Variants in NTM observed in about 807,000 individuals in gnomAD.
NTM encodes the protein IgLON family member 2.
NTM carries 13 observed loss-of-function variants against 42.1 expected under a neutral mutation model. The ratio of observed to expected loss-of-function variants is 0.31; its 90% CI spans 0.20 to 0.49. The LOEUF (loss-of-function observed/expected upper bound fraction) is 0.49. Ranked by LOEUF, NTM falls within the 20% of genes least tolerant of loss-of-function variation. NTM has a pLI of 0.99. For missense variants in NTM, 373 were observed against 452.8 expected, an observed-to-expected ratio of 0.82 and a Z score of 1.60; for synonymous variants, 187 against 179.2, an observed-to-expected ratio of 1.04 and a Z score of -0.35.
rs1005391731 is a variant in NTM at position 132,043,024 on chromosome 11, C to A, written c.168-103258C>A. 3.3e-5 allele frequency among the ~76,000 whole-genome samples: 5 copies of A among 152,064 alleles called. No homozygotes were observed. In the East Asian group the frequency reaches 7.7e-4, roughly 24 times the overall value. On this transcript the variant is annotated intron_variant, in intron 2 of 8. Transcript: ENST00000683400. ...TTACATAAGTGGAAGTATGAAGAGG[C>A]CTTGATTAAAGTGGAATACATTGTA...
At chr11:131,861,762 G>GA (rs1489084539) in intron 1 of NTM, among the ~76,000 whole-genome samples, 3 of 152,186 alleles carry the variant, frequency 2.0e-5, no homozygotes, top group Admixed American at 6.5e-5. Context: ...AGAGAGAAAA[G>GA]AAAAAAAGGT....
At chr11:131,836,510 T>C (rs1483285264) in intron 1 of NTM, among the ~76,000 whole-genome samples, 4 of 152,236 alleles carry the variant, frequency 2.6e-5, no homozygotes, top group African/African-American at 7.2e-5. Context: ...TAATGTTTTC[T>C]AAATCATATT....
intron 1 of NTM, among the ~76,000 whole-genome samples, chr11:131,548,316 A>T (rs964196067): frequency 6.6e-6 from 1 of 152,188 alleles, no homozygotes; most frequent in Non-Finnish European, 1.5e-5. Flanking sequence ...TATCCAGGAA[A>T]AAAACATCCC....
intron 1 of NTM, among the ~76,000 whole-genome samples, chr11:131,649,865 A>G (rs1004198572): frequency 5.3e-5 from 8 of 152,156 alleles, no homozygotes; most frequent in Non-Finnish European, 1.5e-5. Context: ...CAAAGTTAGC[A>G]TTTCCCAGAC....
At chr11:131,956,043 G>A (rs2061524709) in intron 2 of NTM, among the ~76,000 whole-genome samples, 1 of 152,206 alleles carries the variant, frequency 6.6e-6, no homozygotes, top group African/African-American at 2.4e-5. Context: ...AGGCAGGGAA[G>A]CCAGTGTCTG....
At chr11:131,653,182 G>T (rs950033935) in intron 1 of NTM, among the ~76,000 whole-genome samples, 1 of 152,166 alleles carries the variant, frequency 6.6e-6, no homozygotes, top group Non-Finnish European at 1.5e-5. Context: ...TTCGGTCCCT[G>T]CTTTGTAGTC....
chr11:132,022,440 C>A (rs1052656644), intron 2 of NTM, among the ~76,000 whole-genome samples: 1 of 152,084 alleles, frequency 6.6e-6, no homozygotes, highest in Non-Finnish European at 1.5e-5. Context: ...CTTCAGAGTC[C>A]GCATGATATT....
chr11:131,608,758 C>CTG (rs2061221495), intron 1 of NTM, among the ~76,000 whole-genome samples: 2 of 152,286 alleles, frequency 1.3e-5, no homozygotes, highest in South Asian at 4.1e-4. Flanking sequence ...TGCTCTCTCT[C>CTG]TTTAAATGTG....
At chr11:131,647,939 T>C (rs543716794) in intron 1 of NTM, among the ~76,000 whole-genome samples, 1 of 152,294 alleles carries the variant, frequency 6.6e-6, no homozygotes, top group Non-Finnish European at 1.5e-5. Context: ...GTTGGACAGA[T>C]TATTTTGTTA....
intron 1 of NTM, among the ~76,000 whole-genome samples, chr11:131,788,978 T>C (rs932286008): frequency 6.6e-6 from 1 of 152,136 alleles, no homozygotes; most frequent in African/African-American, 2.4e-5. Flanking sequence ...TCATTACCCG[T>C]TTGCTGAGCT....
intron 1 of NTM, among the ~76,000 whole-genome samples, chr11:131,763,930 T>C (rs1256783419): frequency 6.6e-6 from 1 of 151,886 alleles, no homozygotes; most frequent in Non-Finnish European, 1.5e-5. Flanking sequence ...TCGTTTCCAT[T>C]GAGGAGCAAT....
chr11:132,110,203 C>A (rs942808211), intron 2 of NTM, among the ~76,000 whole-genome samples: 1 of 152,178 alleles, frequency 6.6e-6, no homozygotes, highest in Non-Finnish European at 1.5e-5. Context: ...TGTGCTATAC[C>A]CCAGTGGCTA....
At chr11:131,467,579 T>C (rs1952013921) in intron 1 of NTM, among the ~76,000 whole-genome samples, 1 of 152,240 alleles carries the variant, frequency 6.6e-6, no homozygotes, top group Non-Finnish European at 1.5e-5. Context: ...TATCTGCTTA[T>C]GTTCACAGCC....
At chr11:131,527,860 C>T (rs112214657) in intron 1 of NTM, among the ~76,000 whole-genome samples, 5,632 of 152,184 alleles carry the variant, frequency 0.037, 347 homozygotes, top group African/African-American at 0.13. Flanking sequence ...ATTTGGAAAG[C>T]GATAAATCAA....
chr11:132,189,589 G>A (rs1245694630), intron 3 of NTM, among the ~76,000 whole-genome samples: 2 of 152,028 alleles, frequency 1.3e-5, no homozygotes, highest in East Asian at 3.9e-4. Context: ...ATGGCAAGCA[G>A]CAAATTGTGC....
intron 3 of NTM, among the ~76,000 whole-genome samples, chr11:132,195,062 A>G (rs938046384): frequency 6.6e-6 from 1 of 151,962 alleles, no homozygotes; most frequent in Non-Finnish European, 1.5e-5. Context: ...ACCTCAAGTG[A>G]TCTGTCTGCC....
At chr11:132,152,860 T>C (rs1260197060) in intron 3 of NTM, among the ~76,000 whole-genome samples, 1 of 152,232 alleles carries the variant, frequency 6.6e-6, no homozygotes, top group Non-Finnish European at 1.5e-5. Flanking sequence ...CATTGAATAA[T>C]GGCATTTTCT....
chr11:131,938,029 A>G (rs1360477230), intron 2 of NTM, among the ~76,000 whole-genome samples: 2 of 152,178 alleles, frequency 1.3e-5, no homozygotes, highest in Non-Finnish European at 2.9e-5. Context: ...TCATTTGTTC[A>G]TTCCTTCAGT....
chr11:131,556,356 C>T (rs2055409675), intron 1 of NTM, among the ~76,000 whole-genome samples: 1 of 152,158 alleles, frequency 6.6e-6, no homozygotes, highest in Non-Finnish European at 1.5e-5. Flanking sequence ...ATACAGATTA[C>T]ATGAAAAGCA....
Sources: gnomAD v4.1 joint callset for allele counts (sites outside exome capture counted in the v4.1 genomes callset) on GRCh38, gnomAD v4.1.1 for gene constraint, MANE v1.5 for transcripts, NCBI Gene and HGNC (gene_info 2026-07-23, HGNC 2026-07-21) for gene names.